Variants in ATP8A2 observed in about 807,000 individuals in gnomAD.
The protein encoded by ATP8A2 is ATPase phospholipid transporting 8A2.
A neutral mutation model predicts 165.6 loss-of-function variants in ATP8A2; 100 were observed. The ratio of observed to expected loss-of-function variants is 0.60; its 90% CI spans 0.51 to 0.71. The LOEUF (loss-of-function observed/expected upper bound fraction) is 0.71. Among genes scored for constraint, ATP8A2 ranks in the 30% least tolerant of loss-of-function variants. ATP8A2 has a pLI of 0.00. For missense variants in ATP8A2, 1,227 were observed against 1,479.5 expected (o/e 0.83, Z 2.80); for synonymous variants, 543 against 548.8 (o/e 0.99, Z 0.15).
At chr13:25,638,801 T>A (rs1057443735) in intron 24 of ATP8A2, among the ~76,000 whole-genome samples, 5 of 151,978 alleles carry the variant, frequency 3.3e-5, no homozygotes, top group African/African-American at 1.2e-4. Flanking sequence ...AGACACATAA[T>A]TGTCAGATTC....
chr13:25,743,051 T>C (rs1245460635), intron 25 of ATP8A2, among the ~76,000 whole-genome samples: 1 of 152,140 alleles, frequency 6.6e-6, no homozygotes, highest in East Asian at 1.9e-4. Flanking sequence ...GCATGTGTGC[T>C]TGTTTAAAAC....
chr13:25,919,203 A>G (rs1954363953), intron 33 of ATP8A2, among the ~76,000 whole-genome samples: 1 of 152,242 alleles, frequency 6.6e-6, no homozygotes, highest in African/African-American at 2.4e-5. Flanking sequence ...ATGTTCAGGT[A>G]AGCCCACAGT....
chr13:25,519,099 G>A (rs2037574574), intron 2 of ATP8A2, among the ~76,000 whole-genome samples: 1 of 152,110 alleles, frequency 6.6e-6, no homozygotes. Context: ...CCTCCTACAG[G>A]TGGAGCAACG....
At chr13:25,540,416 G>A in intron 8 of ATP8A2, 28 bp downstream of exon 8, 1 of 1,505,642 alleles carries the variant, frequency 6.6e-7, no homozygotes, top group Non-Finnish European at 9.2e-7. Context: ...GACTTGTGTT[G>A]TTATGGTAGA....
intron 27 of ATP8A2, among the ~76,000 whole-genome samples, chr13:25,822,439 C>G (rs539021979): frequency 2.0e-5 from 3 of 152,262 alleles, no homozygotes; most frequent in Non-Finnish European, 2.9e-5. Flanking sequence ...AGTGTTGTTT[C>G]CCCAGTTTAC....
intron 28 of ATP8A2, among the ~76,000 whole-genome samples, chr13:25,835,233 T>G: frequency 6.6e-6 from 1 of 152,162 alleles, no homozygotes; most frequent in East Asian, 1.9e-4. Context: ...TGGCTTCTGG[T>G]AGAAGCTCTG....
At chr13:25,597,338 A>C (rs868024162) in intron 24 of ATP8A2, among the ~76,000 whole-genome samples, 51 of 152,164 alleles carry the variant, frequency 3.4e-4, no homozygotes, top group Non-Finnish European at 6.3e-4. Flanking sequence ...GGAACCTTTG[A>C]CTTGATTTTA....
At chr13:25,516,871 T>C (rs1181166410) in intron 2 of ATP8A2, among the ~76,000 whole-genome samples, 1 of 151,400 alleles carries the variant, frequency 6.6e-6, no homozygotes, top group African/African-American at 2.4e-5. Flanking sequence ...ACCTCCGCTT[T>C]CTGGGTTCAA....
chr13:25,662,863 T>C (rs1264247523), intron 24 of ATP8A2, among the ~76,000 whole-genome samples: 1 of 152,216 alleles, frequency 6.6e-6, no homozygotes, highest in African/African-American at 2.4e-5. Context: ...CAATGAGATC[T>C]TTATATGCAT....
At chr13:25,791,081 C>G (rs1270080609) in intron 27 of ATP8A2, among the ~76,000 whole-genome samples, 1 of 152,132 alleles carries the variant, frequency 6.6e-6, no homozygotes, top group Non-Finnish European at 1.5e-5. Context: ...AAGACATATG[C>G]ATGCATATGT....
intron 35 of ATP8A2, among the ~76,000 whole-genome samples, chr13:25,978,941 A>G (rs1956121367): frequency 6.6e-6 from 1 of 150,990 alleles, no homozygotes; most frequent in African/African-American, 2.4e-5. Context: ...CTACGGCTCA[A>G]AAAAAAAAGC....
chr13:25,667,196 C>T (rs1275331344), intron 24 of ATP8A2, among the ~76,000 whole-genome samples: 1 of 152,040 alleles, frequency 6.6e-6, no homozygotes, highest in African/African-American at 2.4e-5. Flanking sequence ...ATGGATTTAC[C>T]CACTCTGATT....
chr13:25,513,103 C>T (rs1331225005), intron 2 of ATP8A2, among the ~76,000 whole-genome samples: 18 of 151,584 alleles, frequency 1.2e-4, no homozygotes, highest in South Asian at 2.1e-4. Context: ...CAGGCGGAGA[C>T]GCTCCTCACT....
intron 24 of ATP8A2, among the ~76,000 whole-genome samples, chr13:25,681,181 G>T (rs1179812955): frequency 1.3e-5 from 2 of 152,212 alleles, no homozygotes; most frequent in African/African-American, 2.4e-5. Context: ...CAAGGAAACA[G>T]ACTTGACAAT....
At chr13:25,737,638 A>G (rs1429259949) in intron 25 of ATP8A2, among the ~76,000 whole-genome samples, 2 of 152,026 alleles carry the variant, frequency 1.3e-5, no homozygotes, top group Non-Finnish European at 2.9e-5. Context: ...AGCTGGGACC[A>G]CAGGCAAATG....
At chr13:26,010,304 C>T (rs1451104660) in intron 35 of ATP8A2, among the ~76,000 whole-genome samples, 6 of 152,130 alleles carry the variant, frequency 3.9e-5, no homozygotes, top group African/African-American at 1.4e-4. Flanking sequence ...TCTCATAAGC[C>T]CCATCATGAG....
intron 27 of ATP8A2, among the ~76,000 whole-genome samples, chr13:25,801,301 G>T (rs1299268706): frequency 1.3e-5 from 2 of 152,150 alleles, no homozygotes; most frequent in African/African-American, 2.4e-5. Flanking sequence ...TAGACTCGCT[G>T]TCTTGGAATG....
chr13:25,598,758 C>A (rs1017333985), intron 24 of ATP8A2, among the ~76,000 whole-genome samples: 12 of 152,090 alleles, frequency 7.9e-5, no homozygotes, highest in Non-Finnish European at 8.8e-5. Flanking sequence ...TTATAGGTCA[C>A]ATTTTTCTGT....
At position 25,571,706 on chromosome 13, in the gene ATP8A2, G is replaced by A. The variant is rs373463097; in HGVS notation, c.1662+14G>A. 2.7e-5 allele frequency: 44 copies of A among 1,607,322 alleles called. No homozygotes were observed. Among genetic ancestry groups the A allele is most frequent in the Non-Finnish European group, 3.6e-5 (42 of 1,173,914 alleles). On this transcript the variant is annotated intron_variant, in intron 18 of 36. Transcript: ENST00000381655. ...ATCATAGAAGCGGTGAGTAACATGC[G>A]TGTGCACATTTCAGATCACCTGCTT...
Sources: gnomAD v4.1 joint callset for allele counts (sites outside exome capture counted in the v4.1 genomes callset) on GRCh38, gnomAD v4.1.1 for gene constraint, MANE v1.5 for transcripts, NCBI Gene and HGNC (gene_info 2026-07-23, HGNC 2026-07-21) for gene names.